The following SRFBP1 variants were observed in gnomAD, a reference collection of about 807,000 sequenced individuals.
The protein encoded by SRFBP1 is serum response factor binding protein 1, also known as serum response factor-binding protein 1.
A neutral mutation model predicts 45.5 loss-of-function variants in SRFBP1; 47 were observed. That is an observed-to-expected ratio of 1.03 (90% confidence interval 0.82 to 1.32). SRFBP1 has a LOEUF of 1.32. Ranked by LOEUF, SRFBP1 falls within the 40% of genes most tolerant of loss-of-function variation. The pLI, the probability that SRFBP1 is intolerant of heterozygous loss-of-function variation, is 0.00. For missense variants in SRFBP1, 621 were observed against 484.6 expected, an observed-to-expected ratio of 1.28 and a Z score of -2.64; for synonymous variants, 203 against 166.3, an observed-to-expected ratio of 1.22 and a Z score of -1.70.
intron 2 of SRFBP1, among the ~76,000 whole-genome samples, chr5:122,061,988 C>A (rs17148756): frequency 0.043 from 6,472 of 151,754 alleles, 158 homozygotes; most frequent in African/African-American, 0.054. Context: ...GTTTTCCAAG[C>A]AAAAATTGTA....
chr5:121,963,419 A>C (rs1423910930), intron 1 of SRFBP1, among the ~76,000 whole-genome samples: 1 of 152,174 alleles, frequency 6.6e-6, no homozygotes, highest in African/African-American at 2.4e-5. Context: ...GATGTATGAA[A>C]GATCAGAGTA....
At chr5:122,000,930 A>G (rs1309028970) in intron 4 of SRFBP1, among the ~76,000 whole-genome samples, 2 of 152,148 alleles carry the variant, frequency 1.3e-5, no homozygotes, top group Non-Finnish European at 1.5e-5. Context: ...GTGTGTTCCC[A>G]GAGGATACAT....
chr5:122,002,178 A>G (rs1347329501), intron 4 of SRFBP1, among the ~76,000 whole-genome samples: 1 of 152,210 alleles, frequency 6.6e-6, no homozygotes, highest in Non-Finnish European at 1.5e-5. Context: ...TCCCCATTGT[A>G]TAAAGTAGGA....
rs186743220 is a variant in SRFBP1 at position 122,018,807 on chromosome 5, C to T, written c.271-453C>T. Among the ~76,000 whole-genome samples, 1,133 of 152,186 alleles carry T rather than the reference C, an allele frequency of 7.4e-3. 5 individuals are homozygous for T. Among genetic ancestry groups the T allele is most frequent in the Non-Finnish European group, 0.012 (838 of 68,010 alleles). On this transcript the variant is annotated intron_variant, in intron 4 of 7. Coordinates refer to ENST00000339397, the MANE Select transcript of SRFBP1 (RefSeq NM_152546.3). ...AGACATTTAAAATAGAAATATAGAGCGTTAGATAATTTCTAGGTCTCTGTT... is the reference window on the plus strand; with the variant it reads ...AGACATTTAAAATAGAAATATAGAGTGTTAGATAATTTCTAGGTCTCTGTT...
At chr5:122,077,021 G>A (rs1423646721), downstream of SRFBP1, 4 of 1,610,934 alleles carry the variant, frequency 2.5e-6, no homozygotes, top group African/African-American at 2.7e-5. This position sits in a 1 kb window ranked among gnomAD's most constrained non-coding sequence, Gnocchi z 4.9. Context: ...AGCAGGCGAC[G>A]GGCGCAGCAG....
In SRFBP1 at chr5:121,986,736, G is replaced by T. The variant is rs150268852; in HGVS notation, c.199-7863G>T. 1.8e-3 allele frequency among the ~76,000 whole-genome samples: 278 copies of T among 152,066 alleles called. 1 individual carries two copies. Among genetic ancestry groups the T allele is most frequent in the African/African-American group, 6.4e-3 (265 of 41,472 alleles). ...TTTATACTTTTTCTGCCTCATATCC[G>T]TAATCAGCCATTTCTCTAAGAAGTC... On this transcript the variant is annotated intron_variant, in intron 3 of 7. Transcript: ENST00000339397.
chr5:122,001,626 A>G (rs865795967), intron 4 of SRFBP1, among the ~76,000 whole-genome samples: 10 of 147,334 alleles, frequency 6.8e-5, no homozygotes, highest in Non-Finnish European at 1.3e-4. Flanking sequence ...CAGTGGCGCA[A>G]TCTCGGCTCA....
intron 6 of SRFBP1, 25 bp downstream of exon 6, chr5:122,020,827 A>G (rs763542187): frequency 1.1e-4 from 165 of 1,498,412 alleles, no homozygotes; most frequent in Admixed American, 8.9e-4. Context: ...CTATTCTGAA[A>G]TAATCATTAG....
intron 2 of SRFBP1, among the ~76,000 whole-genome samples, chr5:122,047,345 T>A (rs1399219985): frequency 6.6e-6 from 1 of 152,194 alleles, no homozygotes; most frequent in Non-Finnish European, 1.5e-5. Flanking sequence ...TTGTCAAACA[T>A]CAGATGGTTG....
At chr5:122,075,914 A>T (rs1014630233), downstream of SRFBP1, 1 of 153,616 alleles carries the variant, frequency 6.5e-6, no homozygotes, top group Non-Finnish European at 1.4e-5. Context: ...ATCCCCCAAT[A>T]AAAAAAATAA....
intron 2 of SRFBP1, among the ~76,000 whole-genome samples, chr5:122,044,813 C>T (rs1196413151): frequency 6.6e-6 from 1 of 151,888 alleles, no homozygotes; most frequent in Non-Finnish European, 1.5e-5. Context: ...TAGGTTTTCT[C>T]TTTATTCTGT....
At chr5:122,028,678 G>A (rs907412665), downstream of SRFBP1, 1 of 151,598 alleles carries the variant, frequency 6.6e-6, no homozygotes, top group African/African-American at 2.4e-5. Flanking sequence ...TATTTTTGCT[G>A]TGTCAGATGC....
intron 2 of SRFBP1, among the ~76,000 whole-genome samples, chr5:122,057,661 AT>A (rs1298000473): frequency 6.6e-6 from 1 of 151,696 alleles, no homozygotes; most frequent in Non-Finnish European, 1.5e-5. Flanking sequence ...AAAAATACTG[AT>A]TTTGATAATG....
intron 1 of SRFBP1, among the ~76,000 whole-genome samples, chr5:121,973,688 A>T (rs1752247040): frequency 1.3e-5 from 2 of 151,580 alleles, no homozygotes; most frequent in Admixed American, 1.3e-4. Flanking sequence ...ATCTTCTTTT[A>T]AAATTATACT....
chr5:121,988,932 A>C (rs1479593865), intron 3 of SRFBP1, among the ~76,000 whole-genome samples: 1 of 152,212 alleles, frequency 6.6e-6, no homozygotes, highest in Non-Finnish European at 1.5e-5. Flanking sequence ...TACTATGTAG[A>C]AAAATGCATT....
At chr5:121,977,007 C>T (rs1752315350) in intron 3 of SRFBP1, among the ~76,000 whole-genome samples, 1 of 151,868 alleles carries the variant, frequency 6.6e-6, no homozygotes, top group Non-Finnish European at 1.5e-5. Context: ...TTGTAAATTT[C>T]AGTGATACAT....
intron 4 of SRFBP1, among the ~76,000 whole-genome samples, chr5:122,005,717 G>A (rs752320663): frequency 1.3e-5 from 2 of 151,928 alleles, no homozygotes; most frequent in African/African-American, 4.8e-5. Context: ...CTGTTTTGTA[G>A]CTCCTTTGTT....
chr5:121,985,506 A>G (rs1001979734), intron 3 of SRFBP1, among the ~76,000 whole-genome samples: 3 of 151,834 alleles, frequency 2.0e-5, no homozygotes, highest in African/African-American at 7.2e-5. Context: ...TTTTTAATCT[A>G]GGTAATAGAA....
intron 1 of SRFBP1, among the ~76,000 whole-genome samples, chr5:121,968,697 T>C (rs780734569): frequency 1.3e-5 from 2 of 152,192 alleles, no homozygotes; most frequent in Non-Finnish European, 2.9e-5. Flanking sequence ...GTAGGACTTT[T>C]GTTAAAGTAC....
Sources: allele counts gnomAD v4.1 joint callset (sites outside exome capture counted in the v4.1 genomes callset), GRCh38; gene constraint gnomAD v4.1.1; non-coding constraint Gnocchi (gnomAD v3.1); transcripts MANE v1.5; gene names NCBI Gene and HGNC (gene_info 2026-07-23, HGNC 2026-07-21).